DNTT: variants seen among roughly 807,000 people sequenced by gnomAD.
The protein encoded by DNTT is nucleosidetriphosphate:DNA deoxynucleotidylexotransferase.
A neutral mutation model predicts 60.9 loss-of-function variants in DNTT; 47 were observed. That is an observed-to-expected ratio of 0.77 (90% confidence interval 0.61 to 0.98). The LOEUF is 0.98. DNTT is among the 50% of genes least tolerant of loss of function. The probability of loss-of-function intolerance (pLI) is 0.00; values close to 1 mark genes in which losing one functional copy is unlikely to be tolerated. For synonymous variants in DNTT, 224 were observed against 221.2 expected (o/e 1.01, Z -0.11); for missense variants, 665 against 627.5 (o/e 1.06, Z -0.64).
intron 1 of DNTT, among the ~76,000 whole-genome samples, chr10:96,311,450 C>T (rs950096431): frequency 6.6e-6 from 1 of 152,050 alleles, no homozygotes; most frequent in African/African-American, 2.4e-5. Flanking sequence ...TCATGAGAGG[C>T]AGGATCAACT....
At chr10:96,321,351 A>G (rs12573362) in intron 4 of DNTT, among the ~76,000 whole-genome samples, 13,170 of 152,118 alleles carry the variant, frequency 0.087, 1,360 homozygotes, top group East Asian at 0.54. Flanking sequence ...CACTTTTCCC[A>G]TGATTCTTCC....
intron 1 of DNTT, among the ~76,000 whole-genome samples, chr10:96,307,354 T>G (rs1295537113): frequency 6.2e-5 from 8 of 128,022 alleles, no homozygotes; most frequent in African/African-American, 2.1e-4. Context: ...TTTTTTTTTT[T>G]TTTTTTTTTT....
chr10:96,313,165 T>A (rs142004228), intron 1 of DNTT, among the ~76,000 whole-genome samples: 1 of 152,300 alleles, frequency 6.6e-6, no homozygotes, highest in African/African-American at 2.4e-5. Context: ...GCACTAACAA[T>A]CGGTCATGGC....
At chr10:96,336,940 GAAAA>G (rs71034371) in intron 10 of DNTT, among the ~76,000 whole-genome samples, 2 of 129,950 alleles carry the variant, frequency 1.5e-5, no homozygotes, top group Non-Finnish European at 3.2e-5. Context: ...TCTGTGTCAG[GAAAA>G]AAAAAAAAAA....
chr10:96,326,508 C>T (rs79480762), intron 6 of DNTT, among the ~76,000 whole-genome samples: 1 of 152,114 alleles, frequency 6.6e-6, no homozygotes, highest in East Asian at 1.9e-4. Context: ...GGTGTGCAAG[C>T]CAAATGGCCA....
chr10:96,313,600 G>A (rs1844747269), intron 1 of DNTT, among the ~76,000 whole-genome samples: 2 of 152,294 alleles, frequency 1.3e-5, no homozygotes, highest in Admixed American at 1.3e-4. Flanking sequence ...TGATTACATT[G>A]CCTACTGTGC....
intron 1 of DNTT, among the ~76,000 whole-genome samples, chr10:96,310,150 A>T (rs1844697114): frequency 6.6e-6 from 1 of 152,048 alleles, no homozygotes; most frequent in African/African-American, 2.4e-5. Flanking sequence ...TCAGGGGCAC[A>T]CCCTTCCCCT....
intron 1 of DNTT, chr10:96,306,825 T>C (rs1844644127): frequency 2.0e-5 from 3 of 152,272 alleles, no homozygotes. Context: ...ATGTGCTCTA[T>C]GGCGCAAAAA....
intron 3 of DNTT, among the ~76,000 whole-genome samples, chr10:96,320,094 C>T (rs1844847947): frequency 6.6e-6 from 1 of 152,236 alleles, no homozygotes; most frequent in Non-Finnish European, 1.5e-5. Context: ...ACTGGATATG[C>T]TGAGCATGAG....
intron 1 of DNTT, among the ~76,000 whole-genome samples, chr10:96,317,134 G>C (rs977745795): frequency 3.3e-5 from 5 of 152,150 alleles, no homozygotes; most frequent in African/African-American, 1.2e-4. Context: ...AAAAATCACT[G>C]GGTCCAATAA....
At chr10:96,307,199 C>T (rs1844648281) in intron 1 of DNTT, among the ~76,000 whole-genome samples, 1 of 152,150 alleles carries the variant, frequency 6.6e-6, no homozygotes, top group African/African-American at 2.4e-5. Context: ...ATGGGCTCTC[C>T]CTCCACAATA....
At chr10:96,322,195 G>C (rs879338326) in intron 4 of DNTT, among the ~76,000 whole-genome samples, 4 of 152,164 alleles carry the variant, frequency 2.6e-5, no homozygotes, top group Non-Finnish European at 5.9e-5. Context: ...TATTATTCAA[G>C]GACAATTATC....
chr10:96,324,227 A>G (rs952765862), intron 5 of DNTT, 39 bp from the exon 6 acceptor site: 3 of 1,595,918 alleles, frequency 1.9e-6, no homozygotes, highest in Non-Finnish European at 2.6e-6. Flanking sequence ...TATAATGATT[A>G]TCTTAGAGAC....
At chr10:96,308,570 C>G (rs1056374864) in intron 1 of DNTT, among the ~76,000 whole-genome samples, 1 of 152,178 alleles carries the variant, frequency 6.6e-6, no homozygotes, top group Non-Finnish European at 1.5e-5. Flanking sequence ...GTTATCAACC[C>G]TCCTCCATAA....
At position 96,318,491 on chromosome 10, in the gene DNTT, A is replaced by G; in HGVS notation, c.343A>G (p.Lys115Glu). 6.2e-7 allele frequency: 1 copy of G among 1,613,664 alleles called. No individual in the cohort carries two copies. Among genetic ancestry groups the G allele is most frequent in the Non-Finnish European group, 8.5e-7 (1 of 1,179,748 alleles). ...SWLIECIRAG[K>E]PVEMTGKHQL... Reference sequence around the variant, plus strand: ...GCTGATCGAATGCATAAGAGCAGGGAAACCGGTGGAAATGACAGGAAAACA... The same window carrying G: ...GCTGATCGAATGCATAAGAGCAGGGGAACCGGTGGAAATGACAGGAAAACA... Residue 115 changes from lysine (K) to glutamate (E), a missense_variant, in exon 2 of 11, where the codon AAA becomes GAA. By Grantham distance (56) the Lys-to-Glu change is moderately conservative. Transcript: ENST00000371174.
At chr10:96,320,574 G>C (rs1333440193) in intron 3 of DNTT, 44 bp from the exon 4 acceptor site, 1 of 1,605,164 alleles carries the variant, frequency 6.2e-7, no homozygotes, top group African/African-American at 1.3e-5. Flanking sequence ...ACTGGCTCAG[G>C]GGCTTGGAAG....
At chr10:96,337,749 C>T (rs1016794014) in intron 10 of DNTT, among the ~76,000 whole-genome samples, 1 of 152,120 alleles carries the variant, frequency 6.6e-6, no homozygotes, top group Admixed American at 6.5e-5. Flanking sequence ...TTAGAATTAC[C>T]CAGTGCGTTC....
intron 1 of DNTT, among the ~76,000 whole-genome samples, chr10:96,308,754 G>A (rs939907331): frequency 3.9e-5 from 6 of 152,216 alleles, no homozygotes; most frequent in African/African-American, 1.4e-4. Flanking sequence ...GGTGGAGTTA[G>A]GAGCAATGTT....
chr10:96,336,488 G>A (rs1845071338), intron 10 of DNTT, among the ~76,000 whole-genome samples: 1 of 152,206 alleles, frequency 6.6e-6, no homozygotes, highest in South Asian at 2.1e-4. Flanking sequence ...TAGTCTTACT[G>A]TGGTCATGAT....
Sources: gnomAD v4.1 joint callset for allele counts (sites outside exome capture counted in the v4.1 genomes callset) on GRCh38, gnomAD v4.1.1 for gene constraint, MANE v1.5 for transcripts, NCBI Gene and HGNC (gene_info 2026-07-23, HGNC 2026-07-21) for gene names.